The following DIAPH3 variants were observed in gnomAD, a reference collection of about 807,000 sequenced individuals.
DIAPH3 encodes the protein diaphanous related formin 3.
Under a neutral mutation model 144.3 loss-of-function variants are expected in DIAPH3, and 117 were observed. The observed-to-expected ratio is 0.81, with a 90% CI of 0.70 to 0.95. The LOEUF (loss-of-function observed/expected upper bound fraction) is 0.95, where lower values mean the gene tolerates loss of function less well. DIAPH3 is among the 40% of genes least tolerant of loss of function. DIAPH3 has a pLI of 0.00. For missense variants in DIAPH3, 1,421 were observed against 1,412.7 expected (o/e 1.01, Z -0.09); for synonymous variants, 519 against 488.9 (o/e 1.06, Z -0.81).
At chr13:60,029,501 T>C (rs73549737) in intron 5 of DIAPH3, among the ~76,000 whole-genome samples, 11,599 of 152,184 alleles carry the variant, frequency 0.076, 1,317 homozygotes, top group African/African-American at 0.25. Context: ...GGATCATGGG[T>C]GTGGTTTCCC....
chr13:59,793,506 T>C (rs1216615090), intron 25 of DIAPH3, among the ~76,000 whole-genome samples: 1 of 152,220 alleles, frequency 6.6e-6, no homozygotes, highest in Non-Finnish European at 1.5e-5. Context: ...CATGATTCTT[T>C]AGCAGTATTT....
chr13:59,949,688 A>G (rs1324851189), intron 17 of DIAPH3, among the ~76,000 whole-genome samples: 1 of 152,226 alleles, frequency 6.6e-6, no homozygotes, highest in Non-Finnish European at 1.5e-5. Flanking sequence ...ACAAAAACAA[A>G]AATATTTACT....
At chr13:59,716,031 A>G (rs1269529263) in intron 27 of DIAPH3, among the ~76,000 whole-genome samples, 3 of 152,218 alleles carry the variant, frequency 2.0e-5, no homozygotes, top group African/African-American at 7.2e-5. Flanking sequence ...ATGTCACTTA[A>G]CAGACAACTG....
intron 18 of DIAPH3, among the ~76,000 whole-genome samples, 160 bp downstream of exon 18, chr13:59,924,615 A>G (rs2047671827): frequency 6.6e-6 from 1 of 151,860 alleles, no homozygotes; most frequent in Non-Finnish European, 1.5e-5. Flanking sequence ...TGAAGCATTT[A>G]ATCCCATAAT....
chr13:59,989,256 G>GT (rs2051643865), intron 12 of DIAPH3, among the ~76,000 whole-genome samples: 1 of 151,538 alleles, frequency 6.6e-6, no homozygotes, highest in African/African-American at 2.4e-5. Flanking sequence ...ACCAACAAGA[G>GT]TAAGTTTTAC....
chr13:60,146,973 G>A (rs754639014), intron 1 of DIAPH3, among the ~76,000 whole-genome samples: 5 of 152,270 alleles, frequency 3.3e-5, no homozygotes, highest in East Asian at 1.9e-4. Context: ...TGTTTCACTC[G>A]TAAACTTATT....
intron 21 of DIAPH3, among the ~76,000 whole-genome samples, chr13:59,875,692 A>G (rs141377909): frequency 2.5e-4 from 38 of 152,314 alleles, no homozygotes; most frequent in African/African-American, 8.9e-4. Context: ...TTGACCACCA[A>G]AAAGTCAAGC....
intron 24 of DIAPH3, among the ~76,000 whole-genome samples, chr13:59,819,200 T>C (rs1249165197): frequency 6.6e-6 from 1 of 151,910 alleles, no homozygotes; most frequent in African/African-American, 2.4e-5. Flanking sequence ...CCTGAATAAC[T>C]TTAATTTGCT....
intron 27 of DIAPH3, among the ~76,000 whole-genome samples, chr13:59,676,001 A>G (rs539748851): frequency 6.6e-6 from 1 of 152,226 alleles, no homozygotes; most frequent in Non-Finnish European, 1.5e-5. Flanking sequence ...CTCATCACAT[A>G]GTGTGCTTTT....
intron 20 of DIAPH3, among the ~76,000 whole-genome samples, chr13:59,905,202 G>T (rs963682118): frequency 1.3e-5 from 2 of 151,670 alleles, no homozygotes; most frequent in African/African-American, 4.8e-5. Flanking sequence ...AATTAGCCGG[G>T]CGTGGTGGCG....
At chr13:60,157,428 T>C (rs894001457) in intron 1 of DIAPH3, among the ~76,000 whole-genome samples, 4 of 152,246 alleles carry the variant, frequency 2.6e-5, no homozygotes, top group Admixed American at 6.5e-5. Context: ...TTTTCAATGC[T>C]AGAATTTCCA....
chr13:60,145,138 T>C (rs1951444833), intron 1 of DIAPH3, among the ~76,000 whole-genome samples: 1 of 152,168 alleles, frequency 6.6e-6, no homozygotes. Flanking sequence ...AAGTGACTTA[T>C]AAGGGTTGGT....
At chr13:59,883,566 A>C (rs1302889559) in intron 20 of DIAPH3, among the ~76,000 whole-genome samples, 1 of 152,150 alleles carries the variant, frequency 6.6e-6, no homozygotes, top group Non-Finnish European at 1.5e-5. Flanking sequence ...ATAATACTCT[A>C]AAAGCATTAG....
intron 4 of DIAPH3, among the ~76,000 whole-genome samples, chr13:60,057,574 G>T (rs930813717): frequency 2.0e-5 from 3 of 151,864 alleles, no homozygotes; most frequent in African/African-American, 7.2e-5. Flanking sequence ...CCAAAAAAGA[G>T]CCTGAATACC....
intron 25 of DIAPH3, among the ~76,000 whole-genome samples, chr13:59,790,498 A>G (rs2039270708): frequency 6.6e-6 from 1 of 152,228 alleles, no homozygotes; most frequent in African/African-American, 2.4e-5. Flanking sequence ...TACTATAAGT[A>G]TTCATTACCT....
chr13:59,879,395 T>C lies in DIAPH3; in HGVS notation c.2441A>G (p.Asn814Ser), dbSNP rs748683325. The C allele has an allele frequency of 6.2e-7, 1 of 1,613,882 alleles. No homozygotes were observed. Among genetic ancestry groups the C allele is most frequent in the Non-Finnish European group, 8.5e-7 (1 of 1,179,856 alleles). ...AGCCATGATGTCAGGTTTGATGTTG[T>C]TCACCTGCTCTTCAAACTGAAGCTT... ...LFKLQFEEQVNNIKPDIMAVS... is the reference protein window; with the variant it reads ...LFKLQFEEQVSNIKPDIMAVS... The change falls in exon 21 of 28, where the codon AAC becomes AGC. Residue 814 changes from asparagine to serine, a missense_variant. Asn to Ser is a conservative substitution (Grantham distance 46). Transcript: ENST00000400324.
chr13:59,816,580 C>G (rs1004766567), intron 24 of DIAPH3, among the ~76,000 whole-genome samples: 18 of 151,662 alleles, frequency 1.2e-4, no homozygotes, highest in Admixed American at 3.3e-4. Flanking sequence ...AGAATAACCT[C>G]ATTTTTGCCT....
chr13:60,077,235 C>T (rs1310328085), intron 4 of DIAPH3, among the ~76,000 whole-genome samples: 3 of 151,380 alleles, frequency 2.0e-5, no homozygotes, highest in Admixed American at 1.3e-4. Context: ...GGGGGAAATG[C>T]GTAAAGATCA....
intron 3 of DIAPH3, among the ~76,000 whole-genome samples, chr13:60,106,625 C>G (rs942828285): frequency 1.3e-5 from 2 of 151,982 alleles, no homozygotes; most frequent in Non-Finnish European, 2.9e-5. Flanking sequence ...CACATATAAA[C>G]TGAACACATG....
Sources: allele counts gnomAD v4.1 joint callset (sites outside exome capture counted in the v4.1 genomes callset), GRCh38; gene constraint gnomAD v4.1.1; transcripts MANE v1.5; gene names NCBI Gene and HGNC (gene_info 2026-07-23, HGNC 2026-07-21).